The following CFAP299 variants were observed in gnomAD, a reference collection of about 807,000 sequenced individuals.
The protein encoded by CFAP299 is cilia- and flagella-associated protein 299.
In CFAP299, 21 loss-of-function variants were observed where a neutral mutation model predicts 27.0. The ratio of observed to expected loss-of-function variants is 0.78; its 90% CI spans 0.55 to 1.12. The LOEUF is 1.12. Among genes scored for constraint, CFAP299 ranks in the 50% most tolerant of loss-of-function variants. The pLI is 0.00. For missense variants in CFAP299, 310 were observed against 276.6 expected, an observed-to-expected ratio of 1.12 and a Z score of -0.86; for synonymous variants, 104 against 98.1, an observed-to-expected ratio of 1.06 and a Z score of -0.36.
the CFAP299 span, among the ~76,000 whole-genome samples, chr4:80,324,019 G>A: frequency 6.6e-6 from 1 of 152,068 alleles, no homozygotes; most frequent in East Asian, 1.9e-4. Context: ...TGCAGAACGT[G>A]CAGGTTTGTT....
chr4:80,803,783 C>T (rs1338244948), intron 3 of CFAP299, among the ~76,000 whole-genome samples: 2 of 150,666 alleles, frequency 1.3e-5, no homozygotes, highest in Admixed American at 1.3e-4. Context: ...TTTTCTGCAA[C>T]GTTTTTATTG....
intron 3 of CFAP299, among the ~76,000 whole-genome samples, chr4:80,703,130 A>G (rs751283261): frequency 6.6e-6 from 1 of 151,788 alleles, no homozygotes; most frequent in Non-Finnish European, 1.5e-5. Context: ...CTTGCTTGCT[A>G]AATTTTAACC....
In CFAP299 at chr4:80,730,278, G is replaced by A. The variant is rs866272307; in HGVS notation, c.334-139715G>A. 3.9e-3 allele frequency among the ~76,000 whole-genome samples: 570 copies of A among 144,882 alleles called. 2 individuals carry two copies. Among genetic ancestry groups the A allele is most frequent in the Middle Eastern group, 0.022 (6 of 276 alleles). On this transcript the variant is annotated intron_variant, in intron 3 of 5. Transcript: ENST00000358105. Reference sequence around the variant, plus strand: ...TGTGTGTGTGTGTGTGTGTGTGTGTGTATGTGTGTGTGTGTGTGTGTATGA... The same window carrying A: ...TGTGTGTGTGTGTGTGTGTGTGTGTATATGTGTGTGTGTGTGTGTGTATGA...
chr4:80,832,698 A>T (rs1311865503), intron 3 of CFAP299, among the ~76,000 whole-genome samples: 1 of 152,106 alleles, frequency 6.6e-6, no homozygotes, highest in Non-Finnish European at 1.5e-5. Flanking sequence ...TATAGCGTTT[A>T]TTATCACAAA....
chr4:80,592,544 C>G (rs1736839311), intron 3 of CFAP299, among the ~76,000 whole-genome samples: 1 of 152,088 alleles, frequency 6.6e-6, no homozygotes, highest in African/African-American at 2.4e-5. Flanking sequence ...AGTTTTACTT[C>G]TCAAAGTTAA....
Position 80,428,634 on chromosome 4 carries a change from C to T in CFAP299, c.242+65750C>T, listed in dbSNP as rs529434437. Among the ~76,000 whole-genome samples the T allele has an allele frequency of 1.4e-3, 212 of 151,906 alleles. 1 individual carries two copies. The highest frequency in any genetic ancestry group is 5.0e-3 in the African/African-American group (208 of 41,432). Reference sequence around the variant, plus strand: ...CTCTGCCTCCTGGGTTCAAGTGATTCTCCTGCCCCAGCCTCACGAGTAGCT... The same window carrying T: ...CTCTGCCTCCTGGGTTCAAGTGATTTTCCTGCCCCAGCCTCACGAGTAGCT... On this transcript the variant is annotated intron_variant, in intron 2 of 5. Coordinates refer to ENST00000358105, the MANE Select transcript of CFAP299 (RefSeq NM_152770.3).
intron 1 of CFAP299, among the ~76,000 whole-genome samples, chr4:80,347,476 A>G (rs187821373): frequency 7.2e-5 from 11 of 152,276 alleles, no homozygotes; most frequent in African/African-American, 2.4e-4. Flanking sequence ...TAACATTCCT[A>G]TACACCAACA....
chr4:80,435,488 G>T (rs1057496763), intron 2 of CFAP299, among the ~76,000 whole-genome samples: 2 of 152,106 alleles, frequency 1.3e-5, no homozygotes, highest in African/African-American at 4.8e-5. Flanking sequence ...CAACAACATG[G>T]CCTGAAAAAG....
chr4:80,561,085 C>A (rs957226768), intron 2 of CFAP299, among the ~76,000 whole-genome samples: 1 of 152,118 alleles, frequency 6.6e-6, no homozygotes, highest in Non-Finnish European at 1.5e-5. Context: ...TTCTGTCACT[C>A]CACCCCCAGC....
intron 4 of CFAP299, among the ~76,000 whole-genome samples, chr4:80,921,578 G>A (rs1271526501): frequency 6.6e-6 from 1 of 152,058 alleles, no homozygotes. Context: ...CTGAGTAGGA[G>A]CAGTAAGACA....
chr4:80,683,921 T>G (rs183286951), intron 3 of CFAP299, among the ~76,000 whole-genome samples: 19 of 152,336 alleles, frequency 1.2e-4, no homozygotes, highest in Admixed American at 1.0e-3. Context: ...GAACCTTTGT[T>G]GAGTTTGAGT....
intron 2 of CFAP299, among the ~76,000 whole-genome samples, chr4:80,419,601 T>G (rs1199511802): frequency 6.6e-6 from 1 of 152,150 alleles, no homozygotes; most frequent in Non-Finnish European, 1.5e-5. Flanking sequence ...TGACCAATTA[T>G]TATTTTACAG....
chr4:80,699,278 A>G (rs1173950892), intron 3 of CFAP299, among the ~76,000 whole-genome samples: 1 of 152,170 alleles, frequency 6.6e-6, no homozygotes, highest in Non-Finnish European at 1.5e-5. Context: ...TATTGGGCAT[A>G]GCAGACTCCT....
intron 3 of CFAP299, among the ~76,000 whole-genome samples, chr4:80,630,323 A>G (rs1400589096): frequency 6.6e-6 from 1 of 152,174 alleles, no homozygotes; most frequent in Non-Finnish European, 1.5e-5. Context: ...TATATCTGTG[A>G]AAGTTGCATA....
At chr4:80,715,179 A>G (rs1242870227) in intron 3 of CFAP299, among the ~76,000 whole-genome samples, 1 of 152,110 alleles carries the variant, frequency 6.6e-6, no homozygotes, top group Non-Finnish European at 1.5e-5. Context: ...AGATGTTCTG[A>G]TCAATCCAAA....
intron 3 of CFAP299, among the ~76,000 whole-genome samples, chr4:80,839,793 T>C (rs1306013882): frequency 6.6e-6 from 1 of 152,012 alleles, no homozygotes; most frequent in Non-Finnish European, 1.5e-5. Flanking sequence ...CTAAATGTCT[T>C]TTAAGGTAAT....
chr4:80,634,793 A>T (rs2109952056), intron 3 of CFAP299, among the ~76,000 whole-genome samples: 1 of 152,254 alleles, frequency 6.6e-6, no homozygotes, highest in Admixed American at 6.5e-5. Flanking sequence ...TAGTTCTTTG[A>T]AGACATCTTT....
intron 3 of CFAP299, among the ~76,000 whole-genome samples, chr4:80,820,585 TG>T (rs1325951875): frequency 6.6e-6 from 1 of 152,004 alleles, no homozygotes. Flanking sequence ...AGGAGCCAGA[TG>T]GGTCATTAAG....
intron 3 of CFAP299, among the ~76,000 whole-genome samples, chr4:80,677,397 T>A (rs1719532128): frequency 6.6e-6 from 1 of 152,120 alleles, no homozygotes; most frequent in Non-Finnish European, 1.5e-5. Context: ...TTTTCATATT[T>A]ACTAAGTTGT....
Sources: allele counts gnomAD v4.1 joint callset (sites outside exome capture counted in the v4.1 genomes callset), GRCh38; gene constraint gnomAD v4.1.1; transcripts MANE v1.5; gene names NCBI Gene and HGNC (gene_info 2026-07-23, HGNC 2026-07-21).